The following CSTL1 variants were observed in gnomAD, a reference collection of about 807,000 sequenced individuals.
CSTL1 encodes cystatin like 1.
A neutral mutation model predicts 14.4 loss-of-function variants in CSTL1; 14 were observed. The observed-to-expected ratio is 0.97, with a 90% CI of 0.64 to 1.52. The LOEUF (loss-of-function observed/expected upper bound fraction) is 1.52, where lower values mean the gene tolerates loss of function less well. Among genes scored for constraint, CSTL1 ranks in the 40% most tolerant of loss-of-function variants. The pLI is 0.00. For synonymous variants in CSTL1, 72 were observed against 67.5 expected, an observed-to-expected ratio of 1.07 and a Z score of -0.33; for missense variants, 170 against 168.7, an observed-to-expected ratio of 1.01 and a Z score of -0.04.
At chr20:23,460,189 T>C in the CSTL1 span, among the ~76,000 whole-genome samples, 2 of 152,180 alleles carry the variant, frequency 1.3e-5, no homozygotes, top group Admixed American at 6.5e-5. Context: ...AGAAGGCAAA[T>C]GGTGACTGCC....
chr20:23,450,513 C>G, the CSTL1 span: 1 of 1,611,364 alleles, frequency 6.2e-7, no homozygotes, highest in South Asian at 1.1e-5. Context: ...CACCTAGTCA[C>G]TGCTGCAGCT....
downstream of CSTL1, among the ~76,000 whole-genome samples, chr20:23,447,422 G>T (rs1986989320): frequency 6.6e-6 from 1 of 151,048 alleles, no homozygotes; most frequent in African/African-American, 2.4e-5. Flanking sequence ...GAGTGTGCCT[G>T]TCTAATGCTG....
At chr20:23,454,234 G>T in the CSTL1 span, among the ~76,000 whole-genome samples, 2 of 143,452 alleles carry the variant, frequency 1.4e-5, no homozygotes, top group Non-Finnish European at 3.0e-5. Flanking sequence ...ACACCTACAC[G>T]TACATGCCCA....
At chr20:23,448,314 TG>T, downstream of CSTL1, among the ~76,000 whole-genome samples, 1 of 152,166 alleles carries the variant, frequency 6.6e-6, no homozygotes, top group East Asian at 1.9e-4. Context: ...CAAACAGGAA[TG>T]GTGGGCCTGA....
At chr20:23,447,427 A>G (rs1986989440), downstream of CSTL1, among the ~76,000 whole-genome samples, 1 of 151,692 alleles carries the variant, frequency 6.6e-6, no homozygotes, top group Non-Finnish European at 1.5e-5. Context: ...TGCCTGTCTA[A>G]TGCTGGACAC....
At chr20:23,440,110 C>A in intron 1 of CSTL1, 34 bp from the exon 2 acceptor site, 1 of 683,254 alleles carries the variant, frequency 1.5e-6, no homozygotes, top group Middle Eastern at 4.1e-4. Context: ...AACTGAGTGA[C>A]AAGGTTCAGG....
At chr20:23,444,685 A>C in intron 3 of CSTL1, 86 bp from the exon 4 acceptor site, 1 of 834,184 alleles carries the variant, frequency 1.2e-6, no homozygotes, top group Middle Eastern at 2.2e-4. Flanking sequence ...ATGAGCAGCC[A>C]CAGGGAGAGA....
the CSTL1 span, among the ~76,000 whole-genome samples, chr20:23,456,958 C>A: frequency 6.6e-6 from 1 of 152,206 alleles, no homozygotes; most frequent in Non-Finnish European, 1.5e-5. Flanking sequence ...ATCTCACCAT[C>A]CTAAGATCCT....
chr20:23,446,318 C>T (rs1463487504), downstream of CSTL1, among the ~76,000 whole-genome samples: 3 of 151,724 alleles, frequency 2.0e-5, no homozygotes, highest in Admixed American at 1.3e-4. Flanking sequence ...TGCCGTGGCA[C>T]GATCTTGGCT....
At chr20:23,447,517 G>A (rs1040270634), downstream of CSTL1, among the ~76,000 whole-genome samples, 5 of 147,630 alleles carry the variant, frequency 3.4e-5, no homozygotes, top group Admixed American at 2.1e-4. Context: ...TGCCCAGGCC[G>A]CAGTGCAGTG....
At chr20:23,451,500 G>A in the CSTL1 span, among the ~76,000 whole-genome samples, 3 of 152,152 alleles carry the variant, frequency 2.0e-5, no homozygotes, top group Admixed American at 6.5e-5. Flanking sequence ...CACCTGACAG[G>A]TCCCTCCCAC....
downstream of CSTL1, among the ~76,000 whole-genome samples, chr20:23,449,469 T>A (rs1463445955): frequency 6.6e-6 from 1 of 152,188 alleles, no homozygotes; most frequent in Admixed American, 6.5e-5. Flanking sequence ...ACCTGTTGTA[T>A]TAAACCCAAG....
intron 3 of CSTL1, 114 bp downstream of exon 3, chr20:23,444,158 C>T: frequency 1.1e-6 from 1 of 879,162 alleles, no homozygotes; most frequent in South Asian, 1.6e-5. Context: ...GGGGCCCAGC[C>T]CTGGGGCTGT....
At chr20:23,451,796 A>G in the CSTL1 span, 52 of 1,578,024 alleles carry the variant, frequency 3.3e-5, no homozygotes, top group Non-Finnish European at 3.9e-5. Flanking sequence ...TGTCTACGTT[A>G]AAGTGCTTTT....
At chr20:23,445,050 A>C (rs921158647), downstream of CSTL1, 1 of 643,102 alleles carries the variant, frequency 1.6e-6, no homozygotes, top group African/African-American at 1.8e-5. Flanking sequence ...GCTCATACTC[A>C]CGACACCCTC....
the CSTL1 span, among the ~76,000 whole-genome samples, chr20:23,453,352 G>A: frequency 6.6e-6 from 1 of 152,158 alleles, no homozygotes; most frequent in South Asian, 2.1e-4. Flanking sequence ...GGTGTGAAGG[G>A]AGGGAGAGTC....
chr20:23,446,087 C>T (rs1986960414), downstream of CSTL1, among the ~76,000 whole-genome samples: 1 of 152,154 alleles, frequency 6.6e-6, no homozygotes. Flanking sequence ...TCCAGACTCC[C>T]AGAGGATAGC....
the CSTL1 span, among the ~76,000 whole-genome samples, chr20:23,460,981 T>C: frequency 6.6e-6 from 1 of 152,264 alleles, no homozygotes; most frequent in African/African-American, 2.4e-5. Context: ...GCAATGCAAA[T>C]TGATAGTTTG....
chr20:23,447,567 C>T (rs1448872893), downstream of CSTL1, among the ~76,000 whole-genome samples: 3 of 151,770 alleles, frequency 2.0e-5, no homozygotes, highest in East Asian at 5.8e-4. Flanking sequence ...AAGTGATTCT[C>T]CTGCCTCAGC....
Sources: allele counts gnomAD v4.1 joint callset (sites outside exome capture counted in the v4.1 genomes callset), GRCh38; gene constraint gnomAD v4.1.1; transcripts MANE v1.5; gene names NCBI Gene and HGNC (gene_info 2026-07-23, HGNC 2026-07-21).